Variants in JAKMIP1 observed in about 807,000 individuals in gnomAD.
The protein encoded by JAKMIP1 is janus kinase and microtubule interacting protein 1.
A neutral mutation model predicts 113.0 loss-of-function variants in JAKMIP1; 33 were observed. That is an observed-to-expected ratio of 0.29 (90% CI 0.22 to 0.39). JAKMIP1 has a LOEUF of 0.39. Ranked by LOEUF, JAKMIP1 falls within the 10% of genes least tolerant of loss-of-function variation. The pLI, the probability that JAKMIP1 is intolerant of heterozygous loss-of-function variation, is 1.00. For synonymous variants in JAKMIP1, 480 were observed against 459.9 expected, an observed-to-expected ratio of 1.04 and a Z score of -0.56; for missense variants, 813 against 1,080.5, an observed-to-expected ratio of 0.75 and a Z score of 3.47.
At chr4:6,128,406 GC>G (rs1392285923) in intron 1 of JAKMIP1, among the ~76,000 whole-genome samples, 1 of 152,152 alleles carries the variant, frequency 6.6e-6, no homozygotes, top group Non-Finnish European at 1.5e-5. Context: ...CGTAGCTGGG[GC>G]CCAGGGGCTG....
rs1467580944 is a variant in JAKMIP1 at position 6,179,326 on chromosome 4, A to C, written c.-148+20927T>G. Among the ~76,000 whole-genome samples the C allele has an allele frequency of 1.3e-5, 2 of 152,286 alleles. No homozygotes were observed. The highest frequency in any genetic ancestry group is 3.9e-4 in the East Asian group (2 of 5,164). On this transcript the variant is annotated intron_variant, in intron 1 of 20. Coordinates refer to ENST00000409021, the MANE Select transcript of JAKMIP1 (RefSeq NM_001099433.2). This position sits in a 1 kb window ranked among gnomAD's most constrained non-coding sequence, Gnocchi z 4.5. ...CCTACCATCTTGCATGGTGGTTGAG[A>C]GGCTTAAAGAGGAACCTAAAGCACC...
In JAKMIP1 at chr4:6,054,159, G is replaced by C. The variant is rs1716024964; in HGVS notation, c.1708-11C>G. 3 of 1,613,976 alleles carry C rather than the reference G, an allele frequency of 1.9e-6. No individual in the cohort carries two copies. The East Asian group carries it at 6.7e-5, about 36-fold the overall frequency. On this transcript the variant is annotated splice_polypyrimidine_tract_variant and intron_variant, in intron 12 of 20. Transcript: ENST00000409021. Reference sequence around the variant, plus strand: ...TTCCAGTCTGTAAATCTAGAGCAAAGATACCTGCGGATTAACAGGATGGGT... The same window carrying C: ...TTCCAGTCTGTAAATCTAGAGCAAACATACCTGCGGATTAACAGGATGGGT...
chr4:6,060,511 G>A lies in JAKMIP1; in HGVS notation c.1561-4C>T. The A allele has an allele frequency of 6.2e-7, 1 of 1,612,756 alleles. No homozygotes were observed. The highest frequency in any genetic ancestry group is 8.5e-7 in the Non-Finnish European group (1 of 1,178,830). On this transcript the variant is annotated splice_region_variant and splice_polypyrimidine_tract_variant and intron_variant, in intron 10 of 20. Transcript: ENST00000409021. ...CAGCTTGTAGCTGCTCCCGAGTCTG[G>A]AAGGGAAAAGACCAGGCAGTGAGCA...
At chr4:6,126,128 CACACAA>C (rs1233739392) in intron 1 of JAKMIP1, among the ~76,000 whole-genome samples, 142 of 148,110 alleles carry the variant, frequency 9.6e-4, no homozygotes, top group Admixed American at 2.6e-3. Context: ...CATGCAGAAA[CACACAA>C]ACACAAACAC....
intron 19 of JAKMIP1, among the ~76,000 whole-genome samples, chr4:6,032,368 A>C (rs889088475): frequency 6.6e-6 from 1 of 152,324 alleles, no homozygotes; most frequent in East Asian, 1.9e-4. Context: ...GTGGGAGGCC[A>C]GAAAGAGCAG....
At chr4:6,078,652 T>G (rs1021434683) in intron 8 of JAKMIP1, among the ~76,000 whole-genome samples, 4 of 152,090 alleles carry the variant, frequency 2.6e-5, no homozygotes, top group African/African-American at 9.7e-5. Context: ...CTTCAAAAGG[T>G]TTAAGTATTT....
chr4:6,141,731 A>C lies in JAKMIP1; in HGVS notation c.-147-28734T>G, dbSNP rs1415261505. On this transcript the variant is annotated intron_variant, in intron 1 of 20. Transcript: ENST00000409021. This position sits in a 1 kb window ranked among gnomAD's most constrained non-coding sequence, Gnocchi z 9.4. ...AATGCAAGAGCTATTTCTGCACCAA[A>C]TGGAAAGTGGCCCCAGGACACTGAT... Among the ~76,000 whole-genome samples, 2 of 152,140 alleles carry C rather than the reference A, an allele frequency of 1.3e-5. No individual in the cohort carries two copies. Among genetic ancestry groups the C allele is most frequent in the Non-Finnish European group, 2.9e-5 (2 of 68,022 alleles).
At position 6,054,086 on chromosome 4, in the gene JAKMIP1, C is replaced by T. The variant is rs201616195; in HGVS notation, c.1770G>A (p.Gln590=). 4.4e-4 allele frequency: 709 copies of T among 1,614,156 alleles called. 2 individuals are homozygous for T. The highest frequency in any genetic ancestry group is 5.4e-4 in the Non-Finnish European group (636 of 1,179,972). ...GCACTCTGAATTCTAACAGCTCGTT[C>T]TGATCCTTGGCGTCTTGCATTTCAT... is the stretch of plus-strand genomic sequence containing the variant. ...LKNEMQDAKD[Q]NELLEFRVLE... Residue 590 remains glutamine (Q), a synonymous_variant, in exon 13 of 21, where the codon CAG becomes CAA. Transcript: ENST00000409021.
rs150343884 is a variant in JAKMIP1, at chr4:6,064,829, G to A, written c.1431+51C>T. The A allele has an allele frequency of 1.5e-5, 24 of 1,609,678 alleles. 1 individual carries two copies. Among genetic ancestry groups the A allele is most frequent in the South Asian group, 6.6e-5 (6 of 90,958 alleles). On this transcript the variant is annotated intron_variant, in intron 9 of 20. Coordinates refer to ENST00000409021, the MANE Select transcript of JAKMIP1 (RefSeq NM_001099433.2). The surrounding 1 kb of genome is among the most constrained non-coding windows in gnomAD (Gnocchi z 4.3). ...GCAACTATCAAAAGCAGGAGGTGCC[G>A]CCCCGAGAGCATCTGGGGTGAGGTC...
intron 1 of JAKMIP1, among the ~76,000 whole-genome samples, chr4:6,198,005 T>C (rs1728030065): frequency 6.6e-6 from 1 of 152,114 alleles, no homozygotes; most frequent in Non-Finnish European, 1.5e-5. Flanking sequence ...CACATGACTC[T>C]CTGACAGCAC....
intron 3 of JAKMIP1, among the ~76,000 whole-genome samples, chr4:6,092,848 T>C (rs916663489): frequency 1.3e-5 from 2 of 152,226 alleles, no homozygotes; most frequent in African/African-American, 4.8e-5. Context: ...CTTCATCTAC[T>C]GTGTGGTGGG....
chr4:6,103,428 T>G (rs1218948065), intron 3 of JAKMIP1, among the ~76,000 whole-genome samples: 2 of 152,230 alleles, frequency 1.3e-5, no homozygotes, highest in East Asian at 1.9e-4. Context: ...TTGCTCGTAC[T>G]CTTGTATCTA....
chr4:6,034,491 C>A (rs1713143735), intron 19 of JAKMIP1, among the ~76,000 whole-genome samples: 1 of 152,098 alleles, frequency 6.6e-6, no homozygotes, highest in Non-Finnish European at 1.5e-5. Context: ...GCCATGGTAC[C>A]CAGATATTTG....
At chr4:6,071,044 T>A (rs1158395771) in intron 8 of JAKMIP1, among the ~76,000 whole-genome samples, 1 of 152,184 alleles carries the variant, frequency 6.6e-6, no homozygotes, top group Non-Finnish European at 1.5e-5. Context: ...TAAAGGGCAA[T>A]GGATAATTCA....
rs900408375 is a variant in JAKMIP1 at position 6,152,585 on chromosome 4, G to C, written c.-147-39588C>G. On this transcript the variant is annotated intron_variant, in intron 1 of 20. Coordinates refer to ENST00000409021, the MANE Select transcript of JAKMIP1 (RefSeq NM_001099433.2). ...CTTTAACCCCTATATTTAAACACTA[G>C]TTCTTTGATCCCAATACTCAACACT... Among the ~76,000 whole-genome samples the C allele has an allele frequency of 7.2e-5, 11 of 152,182 alleles. No individual in the cohort carries two copies. The South Asian group carries it at 1.4e-3, about 20-fold the overall frequency.
Position 6,065,556 on chromosome 4 carries a change from G to A in JAKMIP1, c.1303-548C>T, listed in dbSNP as rs1717945561. ...AGCCATAGTCCTAGTACTCTGACTA[G>A]TGTGGCAAATGTGTGGCCCAAGTCC... is the stretch of plus-strand genomic sequence containing the variant. On this transcript the variant is annotated intron_variant, in intron 8 of 20. Transcript: ENST00000409021. This position sits in a 1 kb window ranked among gnomAD's most constrained non-coding sequence, Gnocchi z 5.1. 6.6e-6 allele frequency among the ~76,000 whole-genome samples: 1 copy of A among 152,228 alleles called. No individual in the cohort carries two copies. Among genetic ancestry groups the A allele is most frequent in the Non-Finnish European group, 1.5e-5 (1 of 68,044 alleles).
rs1726674292 is a variant in JAKMIP1, at chr4:6,186,545, C to T, written c.-148+13708G>A. Among the ~76,000 whole-genome samples, 1 of 152,130 alleles carries T rather than the reference C, an allele frequency of 6.6e-6. No homozygotes were observed. The highest frequency in any genetic ancestry group is 6.5e-5 in the Admixed American group (1 of 15,272). ...AGAACGTGCTTTGCTTTTTTGTTTGCTTGTTTTCTCTCCTTTTAATTTTAT... is the reference window on the plus strand; with the variant it reads ...AGAACGTGCTTTGCTTTTTTGTTTGTTTGTTTTCTCTCCTTTTAATTTTAT... On this transcript the variant is annotated intron_variant, in intron 1 of 20. Coordinates refer to ENST00000409021, the MANE Select transcript of JAKMIP1 (RefSeq NM_001099433.2). This position sits in a 1 kb window ranked among gnomAD's most constrained non-coding sequence, Gnocchi z 5.5.
rs962051656 is a variant in JAKMIP1 at position 6,065,776 on chromosome 4, G to A, written c.1303-768C>T. Among the ~76,000 whole-genome samples the A allele has an allele frequency of 6.6e-6, 1 of 152,174 alleles. No individual in the cohort carries two copies. Among genetic ancestry groups the A allele is most frequent in the Admixed American group, 6.5e-5 (1 of 15,280 alleles). On this transcript the variant is annotated intron_variant, in intron 8 of 20. Coordinates refer to ENST00000409021, the MANE Select transcript of JAKMIP1 (RefSeq NM_001099433.2). This position sits in a 1 kb window ranked among gnomAD's most constrained non-coding sequence, Gnocchi z 5.1. The stretch of plus-strand genomic sequence containing the variant: ...CACTTCTCCCACTCCAAATATCATA[G>A]GATATGGGGCTTCATTCATCTGTCT...
At chr4:6,072,107 A>G (rs535168375) in intron 8 of JAKMIP1, among the ~76,000 whole-genome samples, 1 of 152,334 alleles carries the variant, frequency 6.6e-6, no homozygotes, top group East Asian at 1.9e-4. Flanking sequence ...TATCTTATGT[A>G]AAGTGTTGAT....
Sources: gnomAD v4.1 joint callset for allele counts (sites outside exome capture counted in the v4.1 genomes callset) on GRCh38, gnomAD v4.1.1 for gene constraint, Gnocchi (gnomAD v3.1) non-coding constraint, MANE v1.5 for transcripts, NCBI Gene and HGNC (gene_info 2026-07-23, HGNC 2026-07-21) for gene names.